Variants in DCLRE1C observed in about 807,000 individuals in gnomAD.
The protein encoded by DCLRE1C is DNA cross-link repair 1C.
In DCLRE1C, 47 loss-of-function variants were observed where a neutral mutation model predicts 61.4. That is an observed-to-expected ratio of 0.77 (90% CI 0.61 to 0.98). DCLRE1C has a LOEUF of 0.98. DCLRE1C is among the 50% of genes least tolerant of loss of function. DCLRE1C has a pLI of 0.00. For missense variants in DCLRE1C, 858 were observed against 816.0 expected (o/e 1.05, Z -0.63); for synonymous variants, 337 against 287.6 (o/e 1.17, Z -1.74).
intron 13 of DCLRE1C, among the ~76,000 whole-genome samples, chr10:14,918,689 A>G (rs886802957): frequency 2.0e-4 from 30 of 152,138 alleles, no homozygotes; most frequent in African/African-American, 6.3e-4. Context: ...GATGCATTAC[A>G]TAATAGAGTT....
In DCLRE1C at chr10:14,909,319, C is replaced by T. The variant is rs750741791; in HGVS notation, c.1168G>A (p.Asp390Asn). 2 of 1,613,462 alleles carry T rather than the reference C, an allele frequency of 1.2e-6. No individual in the cohort carries two copies. Among genetic ancestry groups the T allele is most frequent in the African/African-American group, 1.3e-5 (1 of 75,038 alleles). ...GGCAGAGGATCATCAAAGAGATAGT[C>T]ATCTTCCTCCTCTGTGGGACAAACA... The part of the protein sequence containing the change: ...TVHRDSEEED[D>N]YLFDDPLPIP... Residue 390 changes from aspartate (D) to asparagine (N), a missense_variant, in exon 14 of 14, where the codon GAC becomes AAC. Around this residue, in one of 2 missense-constraint regions of DCLRE1C, gnomAD observed 843 missense variants for 783.5 expected, o/e 1.08. Coordinates refer to ENST00000378278, the MANE Select transcript of DCLRE1C (RefSeq NM_001033855.3).
At chr10:14,950,374 A>G (rs1021614508) in intron 1 of DCLRE1C, among the ~76,000 whole-genome samples, 1 of 151,686 alleles carries the variant, frequency 6.6e-6, no homozygotes, top group Non-Finnish European at 1.5e-5. Context: ...AAAAAAAAAA[A>G]AACAAGAACA....
At chr10:14,934,325 C>T (rs1043774901) in intron 8 of DCLRE1C, 55 bp downstream of exon 8, 1 of 1,532,874 alleles carries the variant, frequency 6.5e-7, no homozygotes. Flanking sequence ...AAGACTCCCT[C>T]TCAAAAAAAA....
At chr10:14,899,153 C>G (rs1285916528) in exon 14 of DCLRE1C, 7 of 694,080 alleles carry the variant, frequency 1.0e-5, no homozygotes, top group Non-Finnish European at 1.8e-5. Context: ...GACCCCACAT[C>G]TCTATAAAAA....
downstream of DCLRE1C, chr10:14,903,499 A>T (rs1834157458): frequency 6.6e-6 from 1 of 152,198 alleles, no homozygotes; most frequent in South Asian, 2.1e-4. Flanking sequence ...TACTTCCTGC[A>T]GGTTCTTCTT....
intron 9 of DCLRE1C, among the ~76,000 whole-genome samples, chr10:14,930,740 G>A (rs546680543): frequency 6.6e-6 from 1 of 152,154 alleles, no homozygotes; most frequent in South Asian, 2.1e-4. Flanking sequence ...GCCGGTTTAC[G>A]TTTTATGTAT....
At chr10:14,901,380 C>T (rs1833993637), downstream of DCLRE1C, 8 of 1,369,308 alleles carry the variant, frequency 5.8e-6, no homozygotes, top group Admixed American at 2.1e-5. Context: ...AAAGTTGAGG[C>T]ACTAAGTTTG....
At position 14,909,007 on chromosome 10, in the gene DCLRE1C, TAA is replaced by T. The variant is rs750613031; in HGVS notation, c.1478_1479del (p.Phe493Ter). 2 of 1,614,080 alleles carry T rather than the reference TAA, an allele frequency of 1.2e-6. No homozygotes were observed. The highest frequency in any genetic ancestry group is 1.7e-6 in the Non-Finnish European group (2 of 1,179,976). Reference protein sequence around the residue: ...DGDVPQWEVFFKRNDEITDES... With the variant: ...DGDVPQWEVFXKRNDEITDES... ...TCATCTGTGATTTCATCATTTCTTT[TAA>T]AGAATACTTCCCACTGGGGTACATC... On this transcript the variant is annotated frameshift_variant, in exon 14 of 14. Transcript: ENST00000378278. LOFTEE classifies it low-confidence loss of function (END_TRUNC).
At chr10:14,940,977 G>T (rs1840761595) in intron 3 of DCLRE1C, among the ~76,000 whole-genome samples, 1 of 152,230 alleles carries the variant, frequency 6.6e-6, no homozygotes, top group South Asian at 2.1e-4. Flanking sequence ...CTGCCTCCCA[G>T]GTTCAAGCAA....
chr10:14,905,622 G>A lies in DCLRE1C; in HGVS notation c.*2786C>T, dbSNP rs1036920304. On this transcript the variant is annotated 3_prime_UTR_variant, in exon 14 of 14. Coordinates refer to ENST00000378278, the MANE Select transcript of DCLRE1C (RefSeq NM_001033855.3). ...TATACTATTCAAACATTTAAGTCCTGGAACTCTTCTCCAAGATAAATGTGG... is the reference window on the plus strand; with the variant it reads ...TATACTATTCAAACATTTAAGTCCTAGAACTCTTCTCCAAGATAAATGTGG... 6.6e-6 allele frequency among the ~76,000 whole-genome samples: 1 copy of A among 152,168 alleles called. No homozygotes were observed. The highest frequency in any genetic ancestry group is 1.5e-5 in the Non-Finnish European group (1 of 68,032).
chr10:14,901,294 C>G (rs1240727942), downstream of DCLRE1C: 5 of 1,611,868 alleles, frequency 3.1e-6, no homozygotes, highest in African/African-American at 4.0e-5. Context: ...TCATTGGTGT[C>G]AGTTTCAATA....
intron 13 of DCLRE1C, among the ~76,000 whole-genome samples, chr10:14,913,934 A>G (rs1022939963): frequency 3.3e-5 from 5 of 152,226 alleles, no homozygotes; most frequent in Non-Finnish European, 7.3e-5. Context: ...TACACAGCCA[A>G]TAACCCAACA....
At chr10:14,948,770 T>TATA (rs1554800030) in intron 2 of DCLRE1C, among the ~76,000 whole-genome samples, 9,672 of 143,592 alleles carry the variant, frequency 0.067, 387 homozygotes, top group African/African-American at 0.082. Context: ...TTTGGTAGGA[T>TATA]TATATATATA....
At chr10:14,929,572 G>C (rs557161598) in intron 9 of DCLRE1C, among the ~76,000 whole-genome samples, 1 of 151,976 alleles carries the variant, frequency 6.6e-6, no homozygotes, top group Non-Finnish European at 1.5e-5. Context: ...AGCCTGGGGG[G>C]TCGAGGCTAC....
At chr10:14,935,294 C>G (rs1839723281) in intron 6 of DCLRE1C, among the ~76,000 whole-genome samples, 169 bp downstream of exon 6, 1 of 152,020 alleles carries the variant, frequency 6.6e-6, no homozygotes, top group Non-Finnish European at 1.5e-5. Context: ...TGGCAAAACC[C>G]CATCTCCACT....
intron 12 of DCLRE1C, 35 bp from the exon 13 acceptor site, chr10:14,919,867 G>A (rs746899778): frequency 6.4e-7 from 1 of 1,555,694 alleles, no homozygotes; most frequent in South Asian, 1.1e-5. Flanking sequence ...TTTTCCTTTT[G>A]AGGAAGTTGT....
At chr10:14,920,452 A>G (rs1836910610) in intron 12 of DCLRE1C, 1 of 999,116 alleles carries the variant, frequency 1.0e-6, no homozygotes, top group Non-Finnish European at 1.2e-6. Context: ...GATCTACAAC[A>G]TACCATTTGA....
At chr10:14,914,893 T>C (rs1413407092) in intron 13 of DCLRE1C, among the ~76,000 whole-genome samples, 1 of 151,824 alleles carries the variant, frequency 6.6e-6, no homozygotes, top group East Asian at 1.9e-4. Flanking sequence ...TGAGCCAAGA[T>C]TGTGTGACTG....
At chr10:14,946,361 T>C (rs1841687222) in intron 2 of DCLRE1C, among the ~76,000 whole-genome samples, 1 of 152,174 alleles carries the variant, frequency 6.6e-6, no homozygotes, top group East Asian at 1.9e-4. Context: ...GAATATAGTC[T>C]ACGGTAGATT....
Sources: gnomAD v4.1 joint callset for allele counts (sites outside exome capture counted in the v4.1 genomes callset) on GRCh38, gnomAD v4.1.1 for gene constraint, gnomAD v4.1.1 regional missense constraint, MANE v1.5 for transcripts, NCBI Gene and HGNC (gene_info 2026-07-23, HGNC 2026-07-21) for gene names.